The following XXYLT1 variants were observed in gnomAD, a reference collection of about 807,000 sequenced individuals.
The protein encoded by XXYLT1 is UDP-xylose:alpha-xyloside alpha-1,3-xylosyltransferase.
In XXYLT1, 20 loss-of-function variants were observed where a neutral mutation model predicts 28.9. The observed-to-expected ratio is 0.69, with a 90% CI of 0.49 to 1.00. XXYLT1 has a LOEUF of 1.00. Ranked by LOEUF, XXYLT1 falls within the 50% of genes least tolerant of loss-of-function variation. XXYLT1 has a pLI of 0.00. For missense variants in XXYLT1, 542 were observed against 560.1 expected (o/e 0.97, Z 0.33); for synonymous variants, 257 against 253.8 (o/e 1.01, Z -0.12).
At chr3:195,181,299 G>A (rs111289252) in intron 2 of XXYLT1, among the ~76,000 whole-genome samples, 37 of 152,282 alleles carry the variant, frequency 2.4e-4, no homozygotes, top group African/African-American at 7.9e-4. Flanking sequence ...GCGGGGCTGC[G>A]GGGCTGCGGA....
At chr3:195,147,357 G>A (rs1291407270) in intron 3 of XXYLT1, among the ~76,000 whole-genome samples, 1 of 152,168 alleles carries the variant, frequency 6.6e-6, no homozygotes, top group African/African-American at 2.4e-5. Context: ...ATCACCTGAG[G>A]TCAGGAGTTC....
At chr3:195,075,301 G>A (rs761293976) in intron 3 of XXYLT1, among the ~76,000 whole-genome samples, 3 of 152,168 alleles carry the variant, frequency 2.0e-5, no homozygotes, top group Non-Finnish European at 4.4e-5. Flanking sequence ...ATTTGCAGTA[G>A]GACTAAGAGA....
At chr3:195,146,872 C>T (rs1183650127) in intron 3 of XXYLT1, 2 of 153,676 alleles carry the variant, frequency 1.3e-5, no homozygotes, top group East Asian at 1.9e-4. Flanking sequence ...TTGGTGGTCC[C>T]CCGTTCCCAG....
At chr3:195,194,663 T>C (rs908491585) in intron 2 of XXYLT1, among the ~76,000 whole-genome samples, 2 of 152,074 alleles carry the variant, frequency 1.3e-5, no homozygotes, top group Non-Finnish European at 2.9e-5. Context: ...CAAACGTCCA[T>C]CAACTAACAA....
intron 3 of XXYLT1, among the ~76,000 whole-genome samples, chr3:195,103,957 G>C (rs1443920903): frequency 2.0e-5 from 3 of 152,318 alleles, no homozygotes; most frequent in Non-Finnish European, 2.9e-5. Context: ...AAGGTTTGAC[G>C]CACTAGAAGT....
intron 3 of XXYLT1, among the ~76,000 whole-genome samples, chr3:195,154,530 A>G (rs1720455485): frequency 6.6e-6 from 1 of 152,128 alleles, no homozygotes; most frequent in African/African-American, 2.4e-5. Context: ...CGCAACAGAA[A>G]CTTCCACTGT....
At chr3:195,110,911 GT>G (rs1717671937) in intron 3 of XXYLT1, among the ~76,000 whole-genome samples, 1 of 34,054 alleles carries the variant, frequency 2.9e-5, no homozygotes, top group African/African-American at 1.0e-4. Flanking sequence ...GAGGTGTGTG[GT>G]GTGTGTGTGT....
chr3:195,130,465 G>A (rs1718847688), intron 3 of XXYLT1, among the ~76,000 whole-genome samples: 1 of 152,234 alleles, frequency 6.6e-6, no homozygotes, highest in Non-Finnish European at 1.5e-5. Context: ...CACCAGGTAA[G>A]ATTAAATAAA....
rs922308443 is a variant in XXYLT1, at chr3:195,124,807, C to T, written c.785+31642G>A. ...CACAACTCCCACTAGAGCCAAGCAGCGTACGGACAGGGGCTGGCTCCGGGA... is the reference window on the plus strand; with the variant it reads ...CACAACTCCCACTAGAGCCAAGCAGTGTACGGACAGGGGCTGGCTCCGGGA... On this transcript the variant is annotated intron_variant, in intron 3 of 3. Coordinates refer to ENST00000310380, the MANE Select transcript of XXYLT1 (RefSeq NM_152531.5). The surrounding 1 kb of genome is among the most constrained non-coding windows in gnomAD (Gnocchi z 4.1). 1.3e-5 allele frequency among the ~76,000 whole-genome samples: 2 copies of T among 152,154 alleles called. No individual in the cohort carries two copies. Among genetic ancestry groups the T allele is most frequent in the African/African-American group, 2.4e-5 (1 of 41,424 alleles).
chr3:195,109,058 C>T (rs1341581093), intron 3 of XXYLT1, among the ~76,000 whole-genome samples: 1 of 152,198 alleles, frequency 6.6e-6, no homozygotes, highest in Non-Finnish European at 1.5e-5. Flanking sequence ...GCAGTGAATT[C>T]TCAGGAAAGT....
At chr3:195,184,894 C>T (rs1460146068) in intron 2 of XXYLT1, 10 of 812,002 alleles carry the variant, frequency 1.2e-5, no homozygotes, top group Non-Finnish European at 1.5e-5. Flanking sequence ...TTGATCCCCG[C>T]ATCATCAATC....
chr3:195,167,328 T>C (rs1296768940), intron 2 of XXYLT1, among the ~76,000 whole-genome samples: 3 of 152,198 alleles, frequency 2.0e-5, no homozygotes, highest in Non-Finnish European at 4.4e-5. Context: ...CGGTGACTCA[T>C]GCCTGTAATC....
intron 2 of XXYLT1, among the ~76,000 whole-genome samples, chr3:195,184,451 T>C (rs1219708047): frequency 6.6e-6 from 1 of 152,160 alleles, no homozygotes; most frequent in Non-Finnish European, 1.5e-5. Context: ...GAAAACATGA[T>C]TAAACCTTTG....
At chr3:195,109,441 T>C (rs1330857615) in intron 3 of XXYLT1, among the ~76,000 whole-genome samples, 2 of 151,482 alleles carry the variant, frequency 1.3e-5, no homozygotes, top group Non-Finnish European at 2.9e-5. Flanking sequence ...TGTATGAGTG[T>C]GTGGTATATG....
At chr3:195,111,911 T>C (rs1717739375) in intron 3 of XXYLT1, among the ~76,000 whole-genome samples, 8 of 152,160 alleles carry the variant, frequency 5.3e-5, no homozygotes. Flanking sequence ...CTCGCCCCAA[T>C]CGTGGAAGCT....
At chr3:195,229,524 T>G (rs1019905681) in intron 1 of XXYLT1, among the ~76,000 whole-genome samples, 5 of 152,178 alleles carry the variant, frequency 3.3e-5, no homozygotes, top group Non-Finnish European at 7.3e-5. Context: ...AACCATCTCC[T>G]CCTCCCCCAA....
chr3:195,238,812 G>A lies in XXYLT1; in HGVS notation c.505-11956C>T, dbSNP rs565962242. On this transcript the variant is annotated intron_variant, in intron 1 of 3. Transcript: ENST00000310380. ...CCCTCCAAATCATCCCTATCCGTTC[G>A]AATTACACAGGAAGCTGGAAGCTGA... Among the ~76,000 whole-genome samples the A allele has an allele frequency of 1.8e-4, 27 of 152,232 alleles. 1 individual carries two copies. The South Asian group carries it at 4.1e-3, about 23-fold the overall frequency.
intron 2 of XXYLT1, among the ~76,000 whole-genome samples, chr3:195,162,875 T>C (rs1229153565): frequency 6.6e-6 from 1 of 152,246 alleles, no homozygotes. Context: ...TGTAGTTCAA[T>C]ACACAGGGGA....
chr3:195,093,063 C>T (rs1162313924), intron 3 of XXYLT1, among the ~76,000 whole-genome samples: 1 of 78,464 alleles, frequency 1.3e-5, no homozygotes, highest in Non-Finnish European at 2.2e-5. Flanking sequence ...GAAATAGGAA[C>T]ACTTTTACAC....
Sources: allele counts gnomAD v4.1 joint callset (sites outside exome capture counted in the v4.1 genomes callset), GRCh38; gene constraint gnomAD v4.1.1; non-coding constraint Gnocchi (gnomAD v3.1); transcripts MANE v1.5; gene names NCBI Gene and HGNC (gene_info 2026-07-23, HGNC 2026-07-21).